The following CSMD1 variants were observed in gnomAD, a reference collection of about 807,000 sequenced individuals.
CSMD1 encodes the protein CUB and Sushi multiple domains 1, also known as CUB and sushi domain-containing protein 1.
CSMD1 carries 213 observed loss-of-function variants against 417.5 expected under a neutral mutation model. The observed-to-expected ratio is 0.51, with a 90% confidence interval of 0.46 to 0.57. CSMD1 has a LOEUF of 0.57. CSMD1 is among the 20% of genes least tolerant of loss of function. The pLI, the probability that CSMD1 is intolerant of heterozygous loss-of-function variation, is 0.00. For synonymous variants in CSMD1, 2,862 were observed against 1,736.8 expected, an observed-to-expected ratio of 1.65 and a Z score of -16.11; for missense variants, 6,923 against 4,529.7, an observed-to-expected ratio of 1.53 and a Z score of -15.17.
At chr8:3,294,052 C>T (rs1009469571) in intron 25 of CSMD1, among the ~76,000 whole-genome samples, 7 of 152,194 alleles carry the variant, frequency 4.6e-5, no homozygotes, top group East Asian at 1.9e-4. Context: ...ACAGTCAGGA[C>T]CCTCAGCTGC....
intron 8 of CSMD1, among the ~76,000 whole-genome samples, chr8:3,603,234 C>G (rs1009251936): frequency 1.3e-5 from 2 of 152,216 alleles, no homozygotes. Flanking sequence ...TTTTCCTACT[C>G]TGCTTCAGTT....
chr8:4,076,710 C>T (rs1238649011), intron 3 of CSMD1, among the ~76,000 whole-genome samples: 1 of 152,174 alleles, frequency 6.6e-6, no homozygotes, highest in East Asian at 1.9e-4. Flanking sequence ...TCTTTCACTG[C>T]TACTCATCTC....
chr8:3,833,995 T>C (rs1334898457), intron 5 of CSMD1, among the ~76,000 whole-genome samples: 2 of 152,140 alleles, frequency 1.3e-5, no homozygotes, highest in East Asian at 1.9e-4. Context: ...AACACCACTT[T>C]TCAGGTGAAT....
intron 7 of CSMD1, among the ~76,000 whole-genome samples, chr8:3,664,319 T>A (rs1215681350): frequency 6.6e-6 from 1 of 152,176 alleles, no homozygotes; most frequent in African/African-American, 2.4e-5. Context: ...TTGCTCAGAA[T>A]GATGTTTTCC....
Position 2,937,374 on chromosome 8 carries a change from A to G in CSMD1, c.*1211T>C, listed in dbSNP as rs1435863428. The G allele has an allele frequency of 1.3e-5, 2 of 151,512 alleles. No homozygotes were observed. Among genetic ancestry groups the G allele is most frequent in the East Asian group, 3.9e-4 (2 of 5,112 alleles). The allele number at this position is 151,512 out of a possible 1,614,324, so 9.4% of individuals were successfully genotyped here. A position where few individuals can be genotyped will look rare whatever the true frequency, so the allele number is the denominator to read the frequency against. On this transcript the variant is annotated 3_prime_UTR_variant, in exon 70 of 70. Transcript: ENST00000635120. ...ATCCTGAACAATTTTCACTGAGTTC[A>G]AGGTGCTACTGTGGTATATTGTCTT...
intron 1 of CSMD1, among the ~76,000 whole-genome samples, chr8:4,662,989 G>A (rs561736868): frequency 6.6e-6 from 1 of 152,326 alleles, no homozygotes; most frequent in African/African-American, 2.4e-5. Flanking sequence ...TTTTTCATGT[G>A]GAGAAGGCTT....
At chr8:3,120,706 G>GGGC (rs534643843) in intron 41 of CSMD1, among the ~76,000 whole-genome samples, 6,974 of 147,418 alleles carry the variant, frequency 0.047, 254 homozygotes, top group Middle Eastern at 0.076. Flanking sequence ...AATTAGCCAG[G>GGGC]GGGGGTGACC....
chr8:4,392,584 A>C (rs1311427157), intron 3 of CSMD1, among the ~76,000 whole-genome samples: 1 of 151,966 alleles, frequency 6.6e-6, no homozygotes, highest in Non-Finnish European at 1.5e-5. Context: ...AATGGCTTTC[A>C]TCTGAATTTG....
chr8:2,987,579 C>A (rs1048550387), intron 54 of CSMD1, among the ~76,000 whole-genome samples: 77 of 152,154 alleles, frequency 5.1e-4, no homozygotes, highest in Non-Finnish European at 1.5e-4. Flanking sequence ...TCGGATATAA[C>A]TCACAATTTT....
chr8:4,474,166 A>G (rs138329626), intron 2 of CSMD1, among the ~76,000 whole-genome samples: 9 of 152,332 alleles, frequency 5.9e-5, no homozygotes, highest in Middle Eastern at 3.4e-3. Context: ...ATTTCCACAC[A>G]TGGAAATAAT....
At chr8:3,946,243 G>A (rs1047286461) in intron 5 of CSMD1, among the ~76,000 whole-genome samples, 1 of 152,240 alleles carries the variant, frequency 6.6e-6, no homozygotes, top group East Asian at 1.9e-4. Context: ...TATGCATCTT[G>A]ATATTGTAAT....
chr8:4,739,557 G>A (rs62484602), intron 1 of CSMD1, among the ~76,000 whole-genome samples: 4,327 of 152,268 alleles, frequency 0.028, 90 homozygotes, highest in Non-Finnish European at 0.043. Flanking sequence ...ATAAGCTCCA[G>A]AAGATCTTTT....
chr8:4,659,140 T>G (rs1364667460), intron 1 of CSMD1, among the ~76,000 whole-genome samples: 1 of 151,926 alleles, frequency 6.6e-6, no homozygotes. Context: ...AAAGAAGAAA[T>G]TCCATGAGAA....
At chr8:3,205,027 A>G (rs931403215) in intron 31 of CSMD1, among the ~76,000 whole-genome samples, 1 of 152,224 alleles carries the variant, frequency 6.6e-6, no homozygotes, top group Non-Finnish European at 1.5e-5. Context: ...CAGGTGAAAC[A>G]GTCAAGACTC....
intron 68 of CSMD1, among the ~76,000 whole-genome samples, chr8:2,945,662 C>G (rs1344729919): frequency 1.3e-5 from 2 of 152,118 alleles, no homozygotes; most frequent in Admixed American, 6.5e-5. Flanking sequence ...AACACATGGA[C>G]AGCTCTGTGC....
chr8:4,287,342 T>C (rs574604956), intron 3 of CSMD1, among the ~76,000 whole-genome samples: 10 of 152,336 alleles, frequency 6.6e-5, no homozygotes, highest in African/African-American at 2.2e-4. Context: ...ACTTTAATGA[T>C]ACTTTTTAAG....
intron 25 of CSMD1, among the ~76,000 whole-genome samples, chr8:3,303,333 C>CA (rs1324070494): frequency 9.9e-5 from 15 of 152,236 alleles, no homozygotes; most frequent in African/African-American, 3.4e-4. Context: ...ATCTCCAGTG[C>CA]AATTTCACTC....
intron 2 of CSMD1, among the ~76,000 whole-genome samples, chr8:4,434,270 G>A (rs1337001812): frequency 6.6e-6 from 1 of 152,194 alleles, no homozygotes; most frequent in African/African-American, 2.4e-5. Flanking sequence ...GGAGGCTGAG[G>A]CAAGAGAATT....
At chr8:4,088,280 T>C (rs1800526561) in intron 3 of CSMD1, among the ~76,000 whole-genome samples, 1 of 152,236 alleles carries the variant, frequency 6.6e-6, no homozygotes, top group Admixed American at 6.5e-5. Context: ...ACTTCTCAAT[T>C]GCATGGCCAT....
Sources: allele counts gnomAD v4.1 joint callset (sites outside exome capture counted in the v4.1 genomes callset), GRCh38; gene constraint gnomAD v4.1.1; transcripts MANE v1.5; gene names NCBI Gene and HGNC (gene_info 2026-07-23, HGNC 2026-07-21).